ARFGEF3: variants seen among roughly 807,000 people sequenced by gnomAD.
ARFGEF3 encodes the protein brefeldin A-inhibited guanine nucleotide-exchange protein 3.
Under a neutral mutation model 221.7 loss-of-function variants are expected in ARFGEF3, and 96 were observed. The observed-to-expected ratio is 0.43, with a 90% CI of 0.37 to 0.51. The LOEUF (loss-of-function observed/expected upper bound fraction) is 0.51, where lower values mean the gene tolerates loss of function less well. Ranked by LOEUF, ARFGEF3 falls within the 20% of genes least tolerant of loss-of-function variation. The pLI is 0.00. For missense variants in ARFGEF3, 2,410 were observed against 2,789.9 expected (o/e 0.86, Z 3.07); for synonymous variants, 1,145 against 1,126.8 (o/e 1.02, Z -0.32).
intron 5 of ARFGEF3, among the ~76,000 whole-genome samples, chr6:138,234,704 A>G (rs1778252451): frequency 6.6e-6 from 1 of 152,158 alleles, no homozygotes; most frequent in South Asian, 2.1e-4. Context: ...AGTCTTCCCT[A>G]CATAGAAGAC....
chr6:138,263,166 TGTC>T lies in ARFGEF3; in HGVS notation c.1686_1688del (p.Val563del), dbSNP rs1562372065. On this transcript the variant is annotated inframe_deletion, in exon 12 of 34. Coordinates refer to ENST00000251691, the MANE Select transcript of ARFGEF3 (RefSeq NM_020340.5). ...AAACAGAGGCGGTAGACCAGCCAGA[TGTC>T]GTGCAGAGAAGCCACACGGTCCCTT... 1 of 1,613,982 alleles carries T rather than the reference TGTC, an allele frequency of 6.2e-7. No homozygotes were observed.
intron 1 of ARFGEF3, among the ~76,000 whole-genome samples, chr6:138,163,096 C>T (rs1000025222): frequency 1.3e-5 from 2 of 151,088 alleles, no homozygotes; most frequent in African/African-American, 4.9e-5. Context: ...TGTCATGACA[C>T]TGTGTGTGCT....
chr6:138,262,630 T>A (rs1778814593), intron 11 of ARFGEF3, 71 bp from the exon 12 acceptor site: 3 of 1,465,194 alleles, frequency 2.0e-6, no homozygotes, highest in Non-Finnish European at 1.9e-6. Context: ...AGGCTAACAC[T>A]CTTGTTCCTT....
intron 23 of ARFGEF3, 72 bp from the exon 24 acceptor site, chr6:138,308,667 A>T (rs75163819): frequency 0.039 from 60,086 of 1,536,472 alleles, 1,367 homozygotes; most frequent in South Asian, 0.044. Flanking sequence ...ACGTGCTGGG[A>T]ATATGGGCAA....
At position 138,287,095 on chromosome 6, in the gene ARFGEF3, C is replaced by T. The variant is rs1451219615; in HGVS notation, c.2807C>T (p.Ser936Leu). ...GAAGGCGTTGCTGCTAACTGCGCCT[C>T]AGCCCTTGCCCAGATGGCAGCTGCC... ...CALGVAANCA[S>L]ALAQMAAASC... The change falls in exon 17 of 34, where the codon TCA becomes TTA. Residue 936 changes from serine to leucine, a missense_variant. By Grantham distance (145) the Ser-to-Leu change is moderately radical (BLOSUM62 -2). This residue lies in a region of ARFGEF3 where 594 missense variants were observed against 734.3 expected (regional missense o/e 0.81). Coordinates refer to ENST00000251691, the MANE Select transcript of ARFGEF3 (RefSeq NM_020340.5). 3.8e-6 allele frequency: 6 copies of T among 1,575,340 alleles called. No individual in the cohort carries two copies. The African/African-American group carries it at 6.8e-5, about 18-fold the overall frequency.
chr6:138,287,272 G>C, intron 17 of ARFGEF3, 88 bp downstream of exon 17: 9 of 973,562 alleles, frequency 9.2e-6, no homozygotes, highest in Non-Finnish European at 1.4e-5. Flanking sequence ...GCCAACACTC[G>C]TGCCTGTTCT....
At chr6:138,189,796 A>AT (rs1290090397) in intron 2 of ARFGEF3, among the ~76,000 whole-genome samples, 2 of 152,126 alleles carry the variant, frequency 1.3e-5, no homozygotes, top group African/African-American at 4.8e-5. Context: ...TAAAATGTAT[A>AT]TGGTCAGGAA....
chr6:138,318,556 A>T (rs1357678291), intron 27 of ARFGEF3, among the ~76,000 whole-genome samples: 1 of 152,216 alleles, frequency 6.6e-6, no homozygotes, highest in African/African-American at 2.4e-5. Context: ...ATTATGTTAA[A>T]ATGCACATAC....
intron 12 of ARFGEF3, among the ~76,000 whole-genome samples, chr6:138,264,996 C>CG (rs1417887261): frequency 1.4e-4 from 21 of 151,520 alleles, no homozygotes; most frequent in African/African-American, 4.4e-4. Flanking sequence ...CTCCGCCTCC[C>CG]GGGTTCATGC....
intron 5 of ARFGEF3, among the ~76,000 whole-genome samples, chr6:138,230,697 G>A (rs185731972): frequency 6.0e-4 from 91 of 152,274 alleles, no homozygotes; most frequent in African/African-American, 2.0e-3. Flanking sequence ...TGAGCGTGTA[G>A]AAAATTTTTA....
intron 2 of ARFGEF3, among the ~76,000 whole-genome samples, chr6:138,180,050 C>T (rs576514166): frequency 3.7e-4 from 56 of 152,178 alleles, no homozygotes; most frequent in Non-Finnish European, 6.8e-4. Context: ...TGGCTTCAAG[C>T]GATCCTCCCA....
At chr6:138,274,099 T>G (rs1779052016) in intron 12 of ARFGEF3, among the ~76,000 whole-genome samples, 1 of 152,240 alleles carries the variant, frequency 6.6e-6, no homozygotes, top group South Asian at 2.1e-4. Context: ...AACACTCACA[T>G]TAGTGGCCTT....
rs745761490 is a variant in ARFGEF3 at position 138,263,232 on chromosome 6, G to A, written c.1749G>A (p.Arg583=). 6.2e-7 allele frequency: 1 copy of A among 1,614,012 alleles called. No individual in the cohort carries two copies. Among genetic ancestry groups the A allele is most frequent in the Non-Finnish European group, 8.5e-7 (1 of 1,179,892 alleles). The change falls in exon 12 of 34, where the codon AGG becomes AGA. Residue 583 remains arginine (R), a synonymous_variant. Transcript: ENST00000251691. ...CTAACTTCCTGTCAGTAGACTGCAG[G>A]ACAAGGTCCTATGGATCTAGGTATA... ...DITNFLSVDC[R]TRSYGSRYSE...
In ARFGEF3 at chr6:138,339,882, A is replaced by G. The variant is rs182461242; in HGVS notation, c.*3396A>G. 72 of 152,348 alleles carry G rather than the reference A, an allele frequency of 4.7e-4. No homozygotes were observed. Among genetic ancestry groups the G allele is most frequent in the African/African-American group, 1.7e-3 (69 of 41,582 alleles). The allele number at this position is 152,348 out of a possible 1,614,324, so 9.4% of individuals were successfully genotyped here. A position where few individuals can be genotyped will look rare whatever the true frequency, so the allele number is the denominator to read the frequency against. ...CACCTTTATGATTTGGGGTCTATGT[A>G]ATGACTGACCGATAAGAACCCAGGC... On this transcript the variant is annotated 3_prime_UTR_variant, in exon 34 of 34. Coordinates refer to ENST00000251691, the MANE Select transcript of ARFGEF3 (RefSeq NM_020340.5).
chr6:138,298,854 G>A (rs1779572510), intron 22 of ARFGEF3, 69 bp downstream of exon 22: 2 of 1,182,752 alleles, frequency 1.7e-6, no homozygotes, highest in Admixed American at 2.1e-5. Flanking sequence ...ACGGTTCTAT[G>A]AGCTTCGCAC....
At chr6:138,327,764 T>G (rs748982595) in intron 31 of ARFGEF3, among the ~76,000 whole-genome samples, 8 of 152,190 alleles carry the variant, frequency 5.3e-5, no homozygotes, top group Non-Finnish European at 1.0e-4. Flanking sequence ...GTATAATGAA[T>G]TGTCACATGG....
chr6:138,292,321 C>T (rs1041706418), intron 19 of ARFGEF3, among the ~76,000 whole-genome samples: 1 of 151,800 alleles, frequency 6.6e-6, no homozygotes, highest in Non-Finnish European at 1.5e-5. Flanking sequence ...TCCCTGGGCC[C>T]TGCCTGGCTT....
intron 3 of ARFGEF3, among the ~76,000 whole-genome samples, chr6:138,209,639 G>A (rs1365945192): frequency 1.3e-5 from 2 of 152,034 alleles, no homozygotes; most frequent in Admixed American, 1.3e-4. Flanking sequence ...TAGTAGAAAC[G>A]GAGTTTCACC....
chr6:138,163,767 C>G (rs976054413), intron 1 of ARFGEF3, among the ~76,000 whole-genome samples: 3 of 152,140 alleles, frequency 2.0e-5, no homozygotes, highest in Admixed American at 1.3e-4. Flanking sequence ...AGTGGATGTA[C>G]TTCCTTTCCC....
Sources: gnomAD v4.1 joint callset for allele counts (sites outside exome capture counted in the v4.1 genomes callset) on GRCh38, gnomAD v4.1.1 for gene constraint, gnomAD v4.1.1 regional missense constraint, MANE v1.5 for transcripts, NCBI Gene and HGNC (gene_info 2026-07-23, HGNC 2026-07-21) for gene names.